The following ZCCHC4 variants were observed in gnomAD, a reference collection of about 807,000 sequenced individuals.
ZCCHC4 encodes the protein zinc finger CCHC-type containing 4.
ZCCHC4 carries 54 observed loss-of-function variants against 67.7 expected under a neutral mutation model. The ratio of observed to expected loss-of-function variants is 0.80; its 90% CI spans 0.64 to 1.00. ZCCHC4 has a LOEUF of 1.00. Among genes scored for constraint, ZCCHC4 ranks in the 50% least tolerant of loss-of-function variants. The pLI is 0.00. For synonymous variants in ZCCHC4, 198 were observed against 213.5 expected, an observed-to-expected ratio of 0.93 and a Z score of 0.63; for missense variants, 609 against 617.0, an observed-to-expected ratio of 0.99 and a Z score of 0.14.
intron 5 of ZCCHC4, among the ~76,000 whole-genome samples, chr4:25,336,157 G>A (rs538421984): frequency 3.3e-5 from 5 of 152,146 alleles, no homozygotes; most frequent in East Asian, 1.9e-4. Context: ...CCTAGAGTTC[G>A]CTTCCCCTCA....
intron 1 of ZCCHC4, among the ~76,000 whole-genome samples, chr4:25,313,271 A>C (rs549297459): frequency 3.3e-5 from 5 of 152,326 alleles, no homozygotes; most frequent in African/African-American, 1.2e-4. Context: ...TCCCTTCAAA[A>C]ATAAAAAATT....
At chr4:25,356,436 A>G (rs1001286367) in intron 8 of ZCCHC4, among the ~76,000 whole-genome samples, 5 of 152,204 alleles carry the variant, frequency 3.3e-5, no homozygotes, top group African/African-American at 1.2e-4. Flanking sequence ...GTTAATTAGC[A>G]CAACAAACCC....
At chr4:25,339,651 T>G (rs1314124211) in intron 5 of ZCCHC4, among the ~76,000 whole-genome samples, 1 of 152,222 alleles carries the variant, frequency 6.6e-6, no homozygotes, top group East Asian at 1.9e-4. Flanking sequence ...TTCTGGATAC[T>G]AGACCCTTAT....
chr4:25,340,051 G>A (rs1375818976), intron 5 of ZCCHC4, among the ~76,000 whole-genome samples: 2 of 152,020 alleles, frequency 1.3e-5, no homozygotes, highest in African/African-American at 4.8e-5. Context: ...TATATTTTTA[G>A]TAGAGATGAG....
chr4:25,323,272 G>T (rs897677405), intron 3 of ZCCHC4, among the ~76,000 whole-genome samples: 2 of 151,978 alleles, frequency 1.3e-5, no homozygotes, highest in Admixed American at 6.6e-5. Flanking sequence ...AGCTTACTTT[G>T]TTACAGTTCA....
rs762878172 is a variant in ZCCHC4, at chr4:25,312,795, G to A, written c.-15G>A. On this transcript the variant is annotated 5_prime_UTR_variant, in exon 1 of 13. Coordinates refer to ENST00000302874, the MANE Select transcript of ZCCHC4 (RefSeq NM_024936.3). ...TCTTGTTTCGTACTGAGGCTTTCGG[G>A]ACGGCGGCGGGAAGATGGCGGCCTC... The A allele has an allele frequency of 3.1e-6, 5 of 1,613,064 alleles. No individual in the cohort carries two copies. The South Asian group carries it at 5.5e-5, about 18-fold the overall frequency.
At chr4:25,340,152 G>A (rs886748424) in intron 5 of ZCCHC4, among the ~76,000 whole-genome samples, 2 of 152,170 alleles carry the variant, frequency 1.3e-5, no homozygotes, top group African/African-American at 4.8e-5. Context: ...AAAGGCATGA[G>A]CCACCGTGCC....
At chr4:25,350,254 C>CTTTTT (rs751802021) in intron 7 of ZCCHC4, among the ~76,000 whole-genome samples, 71 of 84,912 alleles carry the variant, frequency 8.4e-4, no homozygotes, top group East Asian at 1.6e-3. Context: ...GGTACTGCTT[C>CTTTTT]TTTTTTTTTT....
At chr4:25,344,545 T>C (rs1719906673) in intron 5 of ZCCHC4, among the ~76,000 whole-genome samples, 1 of 151,428 alleles carries the variant, frequency 6.6e-6, no homozygotes, top group Non-Finnish European at 1.5e-5. Context: ...CACACCAGCA[T>C]GGCACATGTA....
chr4:25,341,842 G>A (rs1405944216), intron 5 of ZCCHC4, among the ~76,000 whole-genome samples: 2 of 152,148 alleles, frequency 1.3e-5, no homozygotes, highest in African/African-American at 2.4e-5. Flanking sequence ...CATCTTGCCT[G>A]ATTTAATTTG....
intron 5 of ZCCHC4, among the ~76,000 whole-genome samples, chr4:25,338,529 C>T (rs564976366): frequency 6.6e-5 from 10 of 152,244 alleles, no homozygotes; most frequent in Admixed American, 1.3e-4. Flanking sequence ...AGCACTCTCC[C>T]TGTGAGCAGT....
intron 8 of ZCCHC4, chr4:25,352,414 C>A: frequency 1.3e-6 from 1 of 782,770 alleles, no homozygotes; most frequent in Non-Finnish European, 1.5e-6. Context: ...GGTACTGCTT[C>A]TTTTTTTTTT....
In ZCCHC4 at chr4:25,337,896, C is replaced by T. The variant is rs111424182; in HGVS notation, c.686+3908C>T. Among the ~76,000 whole-genome samples, 1,031 of 152,208 alleles carry T rather than the reference C, an allele frequency of 6.8e-3. 10 individuals are homozygous for T. The highest frequency in any genetic ancestry group is 0.023 in the African/African-American group (968 of 41,526). On this transcript the variant is annotated intron_variant, in intron 5 of 12. Transcript: ENST00000302874. The stretch of plus-strand genomic sequence containing the variant: ...ACTTACAAACAGAGACTAGGTGATA[C>T]CATAGTGCGTCTTCTCAAAGAACTT...
intron 6 of ZCCHC4, among the ~76,000 whole-genome samples, chr4:25,348,895 C>T (rs1310118222): frequency 6.6e-6 from 1 of 152,182 alleles, no homozygotes. Flanking sequence ...CTTAAATTAA[C>T]CTTTGGGAAA....
At chr4:25,362,655 A>G (rs561407798) in intron 10 of ZCCHC4, among the ~76,000 whole-genome samples, 4 of 152,290 alleles carry the variant, frequency 2.6e-5, no homozygotes, top group African/African-American at 9.6e-5. Flanking sequence ...CATCATTCTG[A>G]TGAAATAATT....
intron 5 of ZCCHC4, among the ~76,000 whole-genome samples, chr4:25,338,710 T>A (rs778012794): frequency 6.6e-6 from 1 of 152,248 alleles, no homozygotes; most frequent in Non-Finnish European, 1.5e-5. Flanking sequence ...GGTTCACCCA[T>A]GTGGTAGCAT....
chr4:25,324,014 G>GTTTTTTTTTTTTTTT (rs71188998), intron 3 of ZCCHC4, among the ~76,000 whole-genome samples: 7,103 of 82,136 alleles, frequency 0.086, 2,055 homozygotes, highest in African/African-American at 0.13. Context: ...TGTTTTTTGT[G>GTTTTTTTTTTTTTTT]TTTTTTTTTT....
intron 5 of ZCCHC4, among the ~76,000 whole-genome samples, chr4:25,341,455 CTCTT>C (rs1719753238): frequency 6.6e-6 from 1 of 152,172 alleles, no homozygotes. Context: ...ACCTGCTCCT[CTCTT>C]TCTTGCTCCT....
At position 25,333,441 on chromosome 4, in the gene ZCCHC4, G is replaced by A. The variant is rs754973138; in HGVS notation, c.588G>A (p.Leu196=). 3 of 1,613,968 alleles carry A rather than the reference G, an allele frequency of 1.9e-6. No homozygotes were observed. The highest frequency in any genetic ancestry group is 2.5e-6 in the Non-Finnish European group (3 of 1,179,986). ...CTGCCCTCGGATTCAGAAGAGTACT[G>A]TGTGTTGGAACACCAAGGTATGTCA... The part of the protein sequence containing the change: ...LLSALGFRRV[L]CVGTPRLHEL... Residue 196 remains leucine (L), a synonymous_variant, in exon 4 of 13, where the codon CTG becomes CTA. Coordinates refer to ENST00000302874, the MANE Select transcript of ZCCHC4 (RefSeq NM_024936.3).
Sources: allele counts gnomAD v4.1 joint callset (sites outside exome capture counted in the v4.1 genomes callset), GRCh38; gene constraint gnomAD v4.1.1; transcripts MANE v1.5; gene names NCBI Gene and HGNC (gene_info 2026-07-23, HGNC 2026-07-21).